Variants in CTSA observed in about 807,000 individuals in gnomAD.
The protein encoded by CTSA is lysosomal protective protein.
CTSA carries 42 observed loss-of-function variants against 66.7 expected under a neutral mutation model. The observed-to-expected ratio is 0.63, with a 90% CI of 0.49 to 0.81. The LOEUF (loss-of-function observed/expected upper bound fraction) is 0.81, where lower values mean the gene tolerates loss of function less well. Among genes scored for constraint, CTSA ranks in the 40% least tolerant of loss-of-function variants. The pLI is 0.00. For missense variants in CTSA, 525 were observed against 610.9 expected, an observed-to-expected ratio of 0.86 and a Z score of 1.48; for synonymous variants, 225 against 248.6, an observed-to-expected ratio of 0.91 and a Z score of 0.89.
At chr20:45,893,333 C>T (rs1288995807) in intron 7 of CTSA, 22 bp downstream of exon 7, 1 of 1,571,468 alleles carries the variant, frequency 6.4e-7, no homozygotes, top group Non-Finnish European at 8.8e-7. Flanking sequence ...GGCAGTTGGG[C>T]AATCTCTGGG....
At position 45,893,486 on chromosome 20, in the gene CTSA, C is replaced by CT. The variant is rs5841610; in HGVS notation, c.692+189dup. The CT allele has an allele frequency of 0.46, 234,923 of 512,660 alleles. 25,961 individuals carry two copies. Among genetic ancestry groups the CT allele is most frequent in the Admixed American group, 0.55 (16,825 of 30,602 alleles). 31.8% of individuals were successfully genotyped at this position (512,660 alleles called of 1,614,324 possible). A position where few individuals can be genotyped will look rare whatever the true frequency, so the allele number is the denominator to read the frequency against. On this transcript the variant is annotated intron_variant, in intron 7 of 14. Transcript: ENST00000646241. ...AATAGAGATCAGTTTTTCTTTCTTT[C>CT]TTTTTTTTTTTTTTGAGACAGATTC...
In CTSA at chr20:45,891,975, G is replaced by T. The variant is rs1360623902; in HGVS notation, c.254G>T (p.Gly85Val). Residue 85 changes from glycine to valine, a missense_variant, in exon 3 of 15, where the codon GGT becomes GTT. Gly to Val is a moderately radical substitution (Grantham distance 109). Coordinates refer to ENST00000646241, the MANE Select transcript of CTSA (RefSeq NM_000308.4). This position sits in a 1 kb window ranked among gnomAD's most constrained non-coding sequence, Gnocchi z 4.6. ...CCTGTGGTGCTTTGGCTCAATGGGG[G>T]TCCCGGCTGCAGCTCACTAGATGGG... The part of the protein sequence containing the change: ...NSPVVLWLNG[G>V]PGCSSLDGLL... The T allele has an allele frequency of 6.2e-7, 1 of 1,614,162 alleles. No homozygotes were observed.
At chr20:45,893,164 G>A in intron 6 of CTSA, 56 bp from the exon 7 acceptor site, 3 of 1,454,968 alleles carry the variant, frequency 2.1e-6, no homozygotes, top group Non-Finnish European at 2.9e-6. Context: ...GGTAGGGTGA[G>A]GGAGGCTCTT....
rs1986905663 is a variant in CTSA, at chr20:45,891,507, C to T, written c.1-62C>T. ...CGCGGAGGCGCCGCCAGCAACTCCC[C>T]GGGGGCTGCTGCACGGAAGCGCTGA... On this transcript the variant is annotated intron_variant, in intron 1 of 14. Transcript: ENST00000646241. The surrounding 1 kb of genome is among the most constrained non-coding windows in gnomAD (Gnocchi z 4.6). The T allele has an allele frequency of 8.4e-6, 13 of 1,555,268 alleles. No individual in the cohort carries two copies. The highest frequency in any genetic ancestry group is 1.1e-5 in the Non-Finnish European group (13 of 1,152,060).
At position 45,895,073 on chromosome 20, in the gene CTSA, A is replaced by G. The variant is rs1396788895; in HGVS notation, c.1028A>G (p.Asn343Ser). The G allele has an allele frequency of 3.7e-6, 6 of 1,613,922 alleles. No homozygotes were observed. The highest frequency in any genetic ancestry group is 3.3e-5 in the South Asian group (3 of 91,074). ...NTTAASTYLN[N>S]PYVRKALNIP... ...ACAGCTGCTTCCACCTACCTCAACA[A>G]CCCGTACGTGCGGAAGGCCCTCAAC... The change falls in exon 11 of 15, where the codon AAC becomes AGC. Residue 343 changes from asparagine (N) to serine (S), a missense_variant. Coordinates refer to ENST00000646241, the MANE Select transcript of CTSA (RefSeq NM_000308.4).
chr20:45,892,952 A>C (rs1477709582), intron 6 of CTSA, 72 bp downstream of exon 6: 1 of 1,557,720 alleles, frequency 6.4e-7, no homozygotes, highest in Non-Finnish European at 8.8e-7. Context: ...GGTCAGACTG[A>C]CTGGTCAATG....
intron 13 of CTSA, 72 bp from the exon 14 acceptor site, chr20:45,897,933 C>A: frequency 6.4e-7 from 1 of 1,574,762 alleles, no homozygotes; most frequent in Non-Finnish European, 8.7e-7. Context: ...GAATTCCCAG[C>A]CCTAAGGTCT....
rs1986981283 is a variant in CTSA at position 45,892,004 on chromosome 20, C to T, written c.283C>T (p.Leu95Phe). ...CGGCTGCAGCTCACTAGATGGGCTC[C>T]TCACAGAGCATGGCCCCTTCCTGGT... Reference protein sequence around the residue: ...GPGCSSLDGLLTEHGPFLVQP... With the variant: ...GPGCSSLDGLFTEHGPFLVQP... The change falls in exon 3 of 15, where the codon CTC (leucine) becomes TTC (phenylalanine). Residue 95 changes from leucine to phenylalanine, a missense_variant. By Grantham distance (22) the Leu-to-Phe change is conservative. This residue lies in a region of CTSA where 246 missense variants were observed against 267.4 expected (regional missense o/e 0.92). Coordinates refer to ENST00000646241, the MANE Select transcript of CTSA (RefSeq NM_000308.4). 6.2e-7 allele frequency: 1 copy of T among 1,614,126 alleles called. No homozygotes were observed. Among genetic ancestry groups the T allele is most frequent in the Non-Finnish European group, 8.5e-7 (1 of 1,179,966 alleles).
chr20:45,897,569 C>T (rs941721470), intron 12 of CTSA, 148 bp from the exon 13 acceptor site: 1 of 682,820 alleles, frequency 1.5e-6, no homozygotes, highest in South Asian at 1.6e-5. Flanking sequence ...ACTGGACATG[C>T]AGTAAGTCGT....
In CTSA at chr20:45,898,601, C is replaced by G. The variant is rs1474567300; in HGVS notation, c.*151C>G. 1.2e-6 allele frequency: 1 copy of G among 812,446 alleles called. No homozygotes were observed. The highest frequency in any genetic ancestry group is 2.1e-6 in the Non-Finnish European group (1 of 487,616). 50.3% of individuals were successfully genotyped at this position (812,446 alleles called of 1,614,324 possible). ...AGCCCTGTACATCCCAGACTGGGCCCAGGGTCTCCCATAGACAGCCTGGGG... is the reference window on the plus strand; with the variant it reads ...AGCCCTGTACATCCCAGACTGGGCCGAGGGTCTCCCATAGACAGCCTGGGG... On this transcript the variant is annotated 3_prime_UTR_variant, in exon 15 of 15. Coordinates refer to ENST00000646241, the MANE Select transcript of CTSA (RefSeq NM_000308.4). This position sits in a 1 kb window ranked among gnomAD's most constrained non-coding sequence, Gnocchi z 4.6.
rs1256294756 is a variant in CTSA at position 45,892,473 on chromosome 20, A to G, written c.433A>G (p.Asn145Asp). ...SYSDDKFYAT[N>D]DTEVAQSNFE... Reference sequence around the variant, plus strand: ...CTCCGATGACAAGTTTTATGCAACTAATGACACTGAGGTGAGTCTGGTGCC... The same window carrying G: ...CTCCGATGACAAGTTTTATGCAACTGATGACACTGAGGTGAGTCTGGTGCC... The change falls in exon 5 of 15, where the codon AAT becomes GAT. Residue 145 changes from asparagine (N) to aspartate (D), a missense_variant. By Grantham distance (23) the Asn-to-Asp change is conservative (BLOSUM62 1). Coordinates refer to ENST00000646241, the MANE Select transcript of CTSA (RefSeq NM_000308.4). 6.2e-7 allele frequency: 1 copy of G among 1,614,052 alleles called. No homozygotes were observed. Among genetic ancestry groups the G allele is most frequent in the Admixed American group, 1.7e-5 (1 of 60,010 alleles).
rs751451438 is a variant in CTSA at position 45,898,482 on chromosome 20, C to G, written c.*32C>G. 6.3e-7 allele frequency: 1 copy of G among 1,586,590 alleles called. No homozygotes were observed. The highest frequency in any genetic ancestry group is 8.6e-7 in the Non-Finnish European group (1 of 1,156,638). The stretch of plus-strand genomic sequence containing the variant: ...CAGCAACCAGCTCCACGGCCTGATG[C>G]AGCCCCTCCCAGCCTCTCCCGCTAG... On this transcript the variant is annotated 3_prime_UTR_variant, in exon 15 of 15. Transcript: ENST00000646241. The surrounding 1 kb of genome is among the most constrained non-coding windows in gnomAD (Gnocchi z 4.6).
chr20:45,893,365 C>T (rs1377917041), intron 7 of CTSA, 54 bp downstream of exon 7: 11 of 1,362,924 alleles, frequency 8.1e-6, no homozygotes, highest in Admixed American at 3.4e-5. Context: ...CACATGATCT[C>T]AGGTCTGTCC....
chr20:45,894,195 T>G, intron 8 of CTSA, 123 bp downstream of exon 8: 1 of 775,646 alleles, frequency 1.3e-6, no homozygotes, highest in Admixed American at 1.9e-5. Context: ...CTTTAAGCAA[T>G]TTAGTGTTCT....
chr20:45,894,121 A>G, intron 8 of CTSA, 49 bp downstream of exon 8: 1 of 1,284,198 alleles, frequency 7.8e-7, no homozygotes, highest in Non-Finnish European at 1.1e-6. Flanking sequence ...CCTAATCCTG[A>G]GAACAGGACC....
intron 7 of CTSA, chr20:45,893,568 C>G (rs902309589): frequency 3.7e-6 from 2 of 538,020 alleles, no homozygotes; most frequent in East Asian, 6.7e-5. Flanking sequence ...CTGCAACCTC[C>G]ACCTCCCAGG....
In CTSA at chr20:45,893,974, C is replaced by G. The variant is rs769920916; in HGVS notation, c.693-14C>G. On this transcript the variant is annotated splice_polypyrimidine_tract_variant and intron_variant, in intron 7 of 14. Coordinates refer to ENST00000646241, the MANE Select transcript of CTSA (RefSeq NM_000308.4). ...ACCAGCAGCTGATGCGCTTTTCACT[C>G]TCATCTCCTACAGGCTTTGGTCTTC... 58 of 1,570,148 alleles carry G rather than the reference C, an allele frequency of 3.7e-5. No homozygotes were observed. Among genetic ancestry groups the G allele is most frequent in the Non-Finnish European group, 3.1e-5 (35 of 1,140,686 alleles).
chr20:45,892,640 G>A lies in CTSA; in HGVS notation c.445-85G>A, dbSNP rs900297135. ...TCACTTCCTCTTGCACAAATAGGGT[G>A]GGTTAATGTCATTATCTCTGAAGTT... On this transcript the variant is annotated intron_variant, in intron 5 of 14. Transcript: ENST00000646241. The A allele has an allele frequency of 1.4e-5, 22 of 1,566,874 alleles. 1 individual carries two copies. In the South Asian group the frequency reaches 2.0e-4, roughly 14 times the overall value.
rs769034835 is a variant in CTSA at position 45,895,092 on chromosome 20, C to T, written c.1047C>T (p.Ala349=). 6.2e-7 allele frequency: 1 copy of T among 1,614,148 alleles called. No individual in the cohort carries two copies. The highest frequency in any genetic ancestry group is 1.1e-5 in the South Asian group (1 of 91,082). Residue 349 remains alanine (A), a synonymous_variant, in exon 11 of 15, where the codon GCC becomes GCT. Coordinates refer to ENST00000646241, the MANE Select transcript of CTSA (RefSeq NM_000308.4). ...TCAACAACCCGTACGTGCGGAAGGC[C>T]CTCAACATCCCGGAGCAGCTGCCAC... ...TYLNNPYVRK[A]LNIPEQLPQW...
Sources: allele counts gnomAD v4.1 joint callset, GRCh38; gene constraint gnomAD v4.1.1; regional missense constraint gnomAD v4.1.1; non-coding constraint Gnocchi (gnomAD v3.1); transcripts MANE v1.5; gene names NCBI Gene and HGNC (gene_info 2026-07-23, HGNC 2026-07-21).